Variants in CPAMD8 observed in about 807,000 individuals in gnomAD.
CPAMD8 encodes the protein C3 and PZP like alpha-2-macroglobulin domain containing 8, also known as C3 and PZP-like alpha-2-macroglobulin domain-containing protein 8.
A neutral mutation model predicts 224.7 loss-of-function variants in CPAMD8; 146 were observed. The observed-to-expected ratio is 0.65, with a 90% CI of 0.57 to 0.75. The LOEUF is 0.75. Among genes scored for constraint, CPAMD8 ranks in the 30% least tolerant of loss-of-function variants. The probability of loss-of-function intolerance (pLI) is 0.00; values close to 1 mark genes in which losing one functional copy is unlikely to be tolerated. For missense variants in CPAMD8, 2,301 were observed against 2,537.5 expected, an observed-to-expected ratio of 0.91 and a Z score of 2.00; for synonymous variants, 966 against 1,044.6, an observed-to-expected ratio of 0.92 and a Z score of 1.45.
At chr19:17,021,695 C>T (rs1029245987) in intron 2 of CPAMD8, among the ~76,000 whole-genome samples, 1 of 152,204 alleles carries the variant, frequency 6.6e-6, no homozygotes, top group Non-Finnish European at 1.5e-5. Context: ...AACAAAAGGT[C>T]AGAGGGGGGT....
intron 10 of CPAMD8, among the ~76,000 whole-genome samples, chr19:16,998,238 T>A (rs577432553): frequency 3.3e-5 from 5 of 152,260 alleles, no homozygotes; most frequent in Non-Finnish European, 7.4e-5. Flanking sequence ...CAGCGGCAGA[T>A]CACTTGAGGT....
chr19:17,004,029 C>T (rs2056412732), intron 8 of CPAMD8, among the ~76,000 whole-genome samples: 2 of 151,914 alleles, frequency 1.3e-5, no homozygotes, highest in African/African-American at 2.4e-5. Context: ...CCTCAGCCTC[C>T]CAAGTAGCTG....
At chr19:16,947,438 A>G (rs910356545) in intron 20 of CPAMD8, among the ~76,000 whole-genome samples, 2 of 152,046 alleles carry the variant, frequency 1.3e-5, no homozygotes, top group African/African-American at 4.8e-5. Flanking sequence ...TCTCATGCCC[A>G]TCTGTCTTGC....
In CPAMD8 at chr19:16,977,425, A is replaced by G. The variant is rs987428239; in HGVS notation, c.1701T>C (p.Asn567=). The change falls in exon 15 of 42, where the codon AAT becomes AAC. Residue 567 remains asparagine, a synonymous_variant. Transcript: ENST00000443236. ...GAAGGCTGTCGGCGACCCCTTCTCCATTCTCCCTGACGTAGAAGACCAGCA... is the reference window on the plus strand; with the variant it reads ...GAAGGCTGTCGGCGACCCCTTCTCCGTTCTCCCTGACGTAGAAGACCAGCA... ...GRLLVFYVRE[N]GEGVADSLQF... is the part of the protein sequence containing the mutation. The G allele has an allele frequency of 6.2e-6, 10 of 1,612,654 alleles. No individual in the cohort carries two copies. The Admixed American group carries it at 1.2e-4, about 19-fold the overall frequency.
At position 16,970,964 on chromosome 19, in the gene CPAMD8, C is replaced by A; in HGVS notation, c.2140G>T (p.Asp714Tyr). Reference sequence around the variant, plus strand: ...GGCTGGAAAGCGGGGACAGCCTCATCGGTGTAGAGGCCACCGTCCTGCCGG... The same window carrying A: ...GGCTGGAAAGCGGGGACAGCCTCATAGGTGTAGAGGCCACCGTCCTGCCGG... ...NHRQDGGLYT[D>Y]EAVPAFQPHT... Residue 714 changes from aspartate to tyrosine, a missense_variant, in exon 18 of 42, where the codon GAT (aspartate) becomes TAT (tyrosine). Asp to Tyr is a radical substitution (Grantham distance 160, BLOSUM62 -3). This residue lies in a region of CPAMD8 where 1,709 missense variants were observed against 1,753.2 expected (regional missense o/e 0.97). Transcript: ENST00000443236. 1 of 1,613,874 alleles carries A rather than the reference C, an allele frequency of 6.2e-7. No homozygotes were observed. Among genetic ancestry groups the A allele is most frequent in the Non-Finnish European group, 8.5e-7 (1 of 1,179,894 alleles).
At chr19:16,959,626 C>T (rs374994554) in intron 18 of CPAMD8, among the ~76,000 whole-genome samples, 2 of 151,764 alleles carry the variant, frequency 1.3e-5, no homozygotes, top group East Asian at 1.9e-4. Context: ...CTGCAGCCTC[C>T]GCCTCCCAGG....
At chr19:16,992,605 C>A (rs959860776) in intron 12 of CPAMD8, among the ~76,000 whole-genome samples, 1 of 152,020 alleles carries the variant, frequency 6.6e-6, no homozygotes, top group African/African-American at 2.4e-5. Flanking sequence ...GCACCTGCCA[C>A]AACACCTGGC....
chr19:17,016,515 C>G (rs2056816054), intron 3 of CPAMD8, among the ~76,000 whole-genome samples: 1 of 152,170 alleles, frequency 6.6e-6, no homozygotes, highest in Non-Finnish European at 1.5e-5. Flanking sequence ...AATGCCAGCA[C>G]TTTGGGAGGC....
chr19:16,975,373 TC>T, intron 16 of CPAMD8, 115 bp from the exon 17 acceptor site: 1 of 778,738 alleles, frequency 1.3e-6, no homozygotes, highest in Non-Finnish European at 2.1e-6. Context: ...CATGACAACC[TC>T]CAGGAGATGG....
At chr19:16,945,932 T>A (rs2054060297) in intron 21 of CPAMD8, among the ~76,000 whole-genome samples, 1 of 152,224 alleles carries the variant, frequency 6.6e-6, no homozygotes, top group African/African-American at 2.4e-5. Context: ...TTTGTGCATA[T>A]GCACGTGTGT....
At chr19:16,904,176 A>AGGCGCCC in intron 32 of CPAMD8, 50 bp downstream of exon 32, 1 of 937,338 alleles carries the variant, frequency 1.1e-6, no homozygotes, top group Non-Finnish European at 1.7e-6. Flanking sequence ...GACTGCAGGG[A>AGGCGCCC]CCCCACCCAC....
intron 22 of CPAMD8, among the ~76,000 whole-genome samples, chr19:16,939,050 C>A (rs1435942191): frequency 6.6e-6 from 1 of 152,232 alleles, no homozygotes; most frequent in Non-Finnish European, 1.5e-5. Flanking sequence ...CTGACCAACA[C>A]GGCCCCTGTG....
Position 16,951,450 on chromosome 19 carries a change from T to C in CPAMD8, c.2508+519A>G, listed in dbSNP as rs1040535945. Among the ~76,000 whole-genome samples, 101 of 152,188 alleles carry C rather than the reference T, an allele frequency of 6.6e-4. 2 individuals are homozygous for C. The highest frequency in any genetic ancestry group is 1.5e-5 in the Non-Finnish European group (1 of 68,024). On this transcript the variant is annotated intron_variant, in intron 20 of 41. Coordinates refer to ENST00000443236, the MANE Select transcript of CPAMD8 (RefSeq NM_015692.5). The stretch of plus-strand genomic sequence containing the variant: ...TTCAGTGTCTAGAAATCAAGTTTTA[T>C]TGGAACACAGCCATATCTATTCAGG...
At chr19:16,961,443 G>A (rs1052294727) in intron 18 of CPAMD8, among the ~76,000 whole-genome samples, 1 of 152,254 alleles carries the variant, frequency 6.6e-6, no homozygotes, top group East Asian at 1.9e-4. Context: ...GAACTGCGAC[G>A]TGGCAGCCTG....
chr19:16,984,261 C>G (rs541814360), intron 13 of CPAMD8, among the ~76,000 whole-genome samples: 2 of 142,794 alleles, frequency 1.4e-5, no homozygotes, highest in Non-Finnish European at 3.0e-5. Flanking sequence ...CTGCAGTGAG[C>G]TATGATCACA....
At chr19:17,011,561 G>A (rs777729685) in intron 4 of CPAMD8, 31 bp downstream of exon 4, 81 of 1,613,962 alleles carry the variant, frequency 5.0e-5, no homozygotes, top group Non-Finnish European at 6.4e-5. Flanking sequence ...GACCATGGCC[G>A]GCCCTCCCTG....
Position 16,925,410 on chromosome 19 carries a change from C to T in CPAMD8, c.3371-38G>A, listed in dbSNP as rs770059139. On this transcript the variant is annotated intron_variant, in intron 25 of 41. Transcript: ENST00000443236. ...AGAAGAGAGTTGAGTTGGGGGCTGTCCCAGTTCAGTAGAGAACAGGGACAG... is the reference window on the plus strand; with the variant it reads ...AGAAGAGAGTTGAGTTGGGGGCTGTTCCAGTTCAGTAGAGAACAGGGACAG... The T allele has an allele frequency of 1.9e-6, 3 of 1,538,532 alleles. No individual in the cohort carries two copies. The South Asian group carries it at 3.4e-5, about 17-fold the overall frequency.
At chr19:16,946,469 A>ATT in intron 21 of CPAMD8, among the ~76,000 whole-genome samples, 1 of 103,018 alleles carries the variant, frequency 9.7e-6, no homozygotes, top group South Asian at 3.2e-4. Context: ...ATGTGTGTGG[A>ATT]TCTGTGTGTA....
chr19:16,903,922 C>G, intron 32 of CPAMD8, 65 bp from the exon 33 acceptor site: 1 of 1,518,590 alleles, frequency 6.6e-7, no homozygotes, highest in South Asian at 1.2e-5. Context: ...CCCCTGAACC[C>G]CGTCTTGGAA....
Sources: gnomAD v4.1 joint callset for allele counts (sites outside exome capture counted in the v4.1 genomes callset) on GRCh38, gnomAD v4.1.1 for gene constraint, gnomAD v4.1.1 regional missense constraint, MANE v1.5 for transcripts, NCBI Gene and HGNC (gene_info 2026-07-23, HGNC 2026-07-21) for gene names.